RBFOX3: variants seen among roughly 807,000 people sequenced by gnomAD.
RBFOX3 encodes RNA binding protein fox-1 homolog 3.
Under a neutral mutation model 48.7 loss-of-function variants are expected in RBFOX3, and 17 were observed. The observed-to-expected ratio is 0.35, with a 90% CI of 0.24 to 0.52. The LOEUF is 0.52. RBFOX3 is among the 20% of genes least tolerant of loss of function. The probability of loss-of-function intolerance (pLI) is 0.94; values close to 1 mark genes in which losing one functional copy is unlikely to be tolerated. For synonymous variants in RBFOX3, 212 were observed against 209.5 expected, an observed-to-expected ratio of 1.01 and a Z score of -0.10; for missense variants, 382 against 497.5, an observed-to-expected ratio of 0.77 and a Z score of 2.21.
At chr17:79,433,349 A>G (rs555742455) in intron 2 of RBFOX3, among the ~76,000 whole-genome samples, 2 of 152,322 alleles carry the variant, frequency 1.3e-5, no homozygotes, top group Admixed American at 6.5e-5. Context: ...CTGTCTTTTA[A>G]GCAGATACAA....
intron 2 of RBFOX3, among the ~76,000 whole-genome samples, chr17:79,347,655 G>A (rs537815250): frequency 2.6e-5 from 4 of 151,892 alleles, no homozygotes; most frequent in South Asian, 2.1e-4. Flanking sequence ...CTCCTGTATC[G>A]CATTATTTCC....
intron 3 of RBFOX3, among the ~76,000 whole-genome samples, chr17:79,240,367 T>C (rs553884957): frequency 1.1e-4 from 17 of 152,272 alleles, no homozygotes; most frequent in South Asian, 4.1e-4. Flanking sequence ...CACACATACA[T>C]CCCTTCTCTC....
chr17:79,200,643 C>T (rs1356818415), intron 4 of RBFOX3, among the ~76,000 whole-genome samples: 2 of 152,160 alleles, frequency 1.3e-5, no homozygotes, highest in Non-Finnish European at 2.9e-5. Flanking sequence ...CAGGTCACGT[C>T]TCTGGGGAGT....
the RBFOX3 span, among the ~76,000 whole-genome samples, chr17:79,623,681 G>T: frequency 6.6e-6 from 1 of 152,080 alleles, no homozygotes; most frequent in African/African-American, 2.4e-5. Context: ...AATTAGCCAG[G>T]CATGGTGGCC....
intron 4 of RBFOX3, among the ~76,000 whole-genome samples, chr17:79,197,466 G>A (rs564117417): frequency 1.4e-4 from 20 of 143,356 alleles, no homozygotes; most frequent in African/African-American, 3.1e-4. Flanking sequence ...TCGGCTCACC[G>A]CAACCTCTGC....
At chr17:79,132,272 T>C (rs901040516) in intron 4 of RBFOX3, among the ~76,000 whole-genome samples, 1 of 5,276 alleles carries the variant, frequency 1.9e-4, no homozygotes, top group Non-Finnish European at 3.6e-4. Context: ...TGGGGTGGGG[T>C]GGGGTGGGGT....
rs187087541 is a variant in RBFOX3, at chr17:79,362,577, C to T, written c.-174-54753G>A. ...GATGGAGATGGGAGCCTTTATGTCC[C>T]GCGTGTGAGGGGCCCAGAGGCCTCT... On this transcript the variant is annotated intron_variant, in intron 2 of 14. Transcript: ENST00000693108. This position sits in a 1 kb window ranked among gnomAD's most constrained non-coding sequence, Gnocchi z 4.2. Among the ~76,000 whole-genome samples, 130 of 152,274 alleles carry T rather than the reference C, an allele frequency of 8.5e-4. No homozygotes were observed. The highest frequency in any genetic ancestry group is 1.7e-3 in the East Asian group (9 of 5,166).
chr17:79,543,073 C>T (rs542736646), intron 1 of RBFOX3, among the ~76,000 whole-genome samples: 26 of 152,216 alleles, frequency 1.7e-4, no homozygotes, highest in Non-Finnish European at 3.8e-4. Context: ...ACCACAACCC[C>T]AAGCCTAAAA....
Position 79,161,658 on chromosome 17 carries a change from C to T in RBFOX3, c.-33-45910G>A, listed in dbSNP as rs1450307024. Among the ~76,000 whole-genome samples the T allele has an allele frequency of 3.3e-5, 5 of 152,144 alleles. No homozygotes were observed. The South Asian group carries it at 6.2e-4, about 19-fold the overall frequency. On this transcript the variant is annotated intron_variant, in intron 4 of 14. Coordinates refer to ENST00000693108, the MANE Select transcript of RBFOX3 (RefSeq NM_001350451.2). ...TCACCCAGGCTGGAGTGCAGTGGCG[C>T]GATCTTGTTTCACTGCAACCTCCGC...
chr17:79,515,240 G>A (rs1012023307), intron 1 of RBFOX3, among the ~76,000 whole-genome samples: 30 of 152,188 alleles, frequency 2.0e-4, no homozygotes, highest in African/African-American at 7.2e-4. Context: ...AAGCCCTGTG[G>A]CAAGCCTCCC....
chr17:79,128,664 C>G (rs551423668), intron 4 of RBFOX3, among the ~76,000 whole-genome samples: 1 of 152,198 alleles, frequency 6.6e-6, no homozygotes, highest in Non-Finnish European at 1.5e-5. Flanking sequence ...CCCCAAAAGC[C>G]AGGTCGTAGC....
At chr17:79,475,281 C>G (rs563956847) in intron 2 of RBFOX3, among the ~76,000 whole-genome samples, 108 of 152,212 alleles carry the variant, frequency 7.1e-4, no homozygotes, top group African/African-American at 2.4e-3. Flanking sequence ...CAGCTCCAGT[C>G]ATTCTGGCCT....
the RBFOX3 span, among the ~76,000 whole-genome samples, chr17:79,626,603 C>T: frequency 6.6e-6 from 1 of 152,354 alleles, no homozygotes; most frequent in Non-Finnish European, 1.5e-5. Context: ...AGGATAAAGA[C>T]CACGCCTCCC....
chr17:79,505,406 A>C (rs1555778438), intron 1 of RBFOX3, among the ~76,000 whole-genome samples: 1 of 152,066 alleles, frequency 6.6e-6, no homozygotes, highest in African/African-American at 2.4e-5. Context: ...GAGACCCCTA[A>C]GCTGTGTGTC....
chr17:79,277,226 G>T (rs113122909), intron 3 of RBFOX3, among the ~76,000 whole-genome samples: 1 of 144,760 alleles, frequency 6.9e-6, no homozygotes, highest in African/African-American at 2.5e-5. Flanking sequence ...GCCTGGTTCT[G>T]CCCCACCTGC....
chr17:79,608,706 C>T (rs2093895631), intron 1 of RBFOX3, among the ~76,000 whole-genome samples: 1 of 152,192 alleles, frequency 6.6e-6, no homozygotes, highest in Admixed American at 6.5e-5. Context: ...TGGGGACAGC[C>T]TTGCCCTCCC....
intron 3 of RBFOX3, among the ~76,000 whole-genome samples, chr17:79,275,458 C>G (rs1420785173): frequency 6.6e-6 from 1 of 152,184 alleles, no homozygotes; most frequent in African/African-American, 2.4e-5. Context: ...ATGGTCCCCC[C>G]CCAACCTCCA....
At chr17:79,611,128 CCTTCT>C (rs1218023671), upstream of RBFOX3, among the ~76,000 whole-genome samples, 16 of 45,274 alleles carry the variant, frequency 3.5e-4, 5 homozygotes, top group South Asian at 3.2e-3. Context: ...TCTCCGCCCT[CCTTCT>C]CTCTCTCTCT....
intron 4 of RBFOX3, among the ~76,000 whole-genome samples, chr17:79,129,302 A>G (rs983809737): frequency 1.3e-5 from 2 of 152,224 alleles, no homozygotes; most frequent in African/African-American, 2.4e-5. Flanking sequence ...TACTTGCCCA[A>G]GCACACACAT....
Sources: gnomAD v4.1 joint callset for allele counts (sites outside exome capture counted in the v4.1 genomes callset) on GRCh38, gnomAD v4.1.1 for gene constraint, Gnocchi (gnomAD v3.1) non-coding constraint, MANE v1.5 for transcripts, NCBI Gene and HGNC (gene_info 2026-07-23, HGNC 2026-07-21) for gene names.